The following ECHDC3 variants were observed in gnomAD, a reference collection of about 807,000 sequenced individuals.
The protein encoded by ECHDC3 is enoyl-CoA hydratase domain containing 3, also known as enoyl-CoA hydratase domain-containing protein 3, mitochondrial.
Under a neutral mutation model 17.9 loss-of-function variants are expected in ECHDC3, and 20 were observed. The observed-to-expected ratio is 1.12, with a 90% CI of 0.79 to 1.63. ECHDC3 has a LOEUF of 1.63. ECHDC3 is among the 40% of genes most tolerant of loss of function. ECHDC3 has a pLI of 0.00. For synonymous variants in ECHDC3, 177 were observed against 149.7 expected (o/e 1.18, Z -1.33); for missense variants, 407 against 357.7 (o/e 1.14, Z -1.11).
intron 3 of ECHDC3, among the ~76,000 whole-genome samples, chr10:11,753,218 T>C (rs1832846264): frequency 5.6e-5 from 1 of 17,846 alleles, no homozygotes; most frequent in African/African-American, 6.2e-5. Flanking sequence ...CTGTCTCTAC[T>C]AAAAATACAA....
rs1367213025 is a variant in ECHDC3, at chr10:11,763,873, AAAG to A, written c.*333_*335del. On this transcript the variant is annotated 3_prime_UTR_variant, in exon 5 of 5. Transcript: ENST00000379215. This position sits in a 1 kb window ranked among gnomAD's most constrained non-coding sequence, Gnocchi z 4.9. ...AAAAGGTGGCAACCCATGGAGGCAG[AAAG>A]AAGGACGCCAGCCTGACCCTTATCT... 1.9e-6 allele frequency: 2 copies of A among 1,075,624 alleles called. No individual in the cohort carries two copies. Among genetic ancestry groups the A allele is most frequent in the Admixed American group, 5.0e-5 (1 of 19,982 alleles). 66.6% of individuals were successfully genotyped at this position (1,075,624 alleles called of 1,614,324 possible). A position where few individuals can be genotyped will look rare whatever the true frequency, so the allele number is the denominator to read the frequency against.
intron 4 of ECHDC3, among the ~76,000 whole-genome samples, chr10:11,759,822 A>C (rs1448086767): frequency 6.6e-6 from 1 of 152,202 alleles, no homozygotes; most frequent in Non-Finnish European, 1.5e-5. Flanking sequence ...TGTTGCATTC[A>C]CTGGGTGCCT....
At chr10:11,762,044 G>C (rs1014352294) in intron 4 of ECHDC3, among the ~76,000 whole-genome samples, 1 of 147,616 alleles carries the variant, frequency 6.8e-6, no homozygotes, top group South Asian at 2.2e-4. Flanking sequence ...ACCAGCCTGC[G>C]TAATATAGTG....
At chr10:11,750,666 A>G (rs1832813322) in intron 3 of ECHDC3, among the ~76,000 whole-genome samples, 1 of 152,270 alleles carries the variant, frequency 6.6e-6, no homozygotes, top group East Asian at 1.9e-4. Flanking sequence ...TGAGGGAAAC[A>G]TAAGAAAAAA....
intron 3 of ECHDC3, among the ~76,000 whole-genome samples, chr10:11,752,580 C>T (rs1041622470): frequency 6.6e-6 from 1 of 151,878 alleles, no homozygotes; most frequent in Non-Finnish European, 1.5e-5. Context: ...CCATGTGAAC[C>T]TGTTTTTCTA....
At chr10:11,747,542 G>A (rs1832776160) in intron 2 of ECHDC3, 72 bp downstream of exon 2, 3 of 1,542,216 alleles carry the variant, frequency 1.9e-6, no homozygotes. Flanking sequence ...AGTAAACTGG[G>A]GCATCCCTTT....
At chr10:11,750,471 T>C (rs1832811341) in intron 3 of ECHDC3, among the ~76,000 whole-genome samples, 1 of 152,176 alleles carries the variant, frequency 6.6e-6, no homozygotes, top group South Asian at 2.1e-4. Flanking sequence ...TCTTTCACCA[T>C]ATTAAGGAGG....
At chr10:11,749,458 C>A in intron 2 of ECHDC3, 37 bp from the exon 3 acceptor site, 1 of 1,609,514 alleles carries the variant, frequency 6.2e-7, no homozygotes, top group Non-Finnish European at 8.5e-7. Context: ...GTGTTTACAT[C>A]TTTTTGTTTT....
chr10:11,748,794 A>G (rs1039888536), intron 2 of ECHDC3, among the ~76,000 whole-genome samples: 7 of 152,148 alleles, frequency 4.6e-5, no homozygotes, highest in African/African-American at 1.7e-4. Flanking sequence ...GCTAAGGCAC[A>G]AGAATTGCTT....
rs1439910890 is a variant in ECHDC3 at position 11,763,467 on chromosome 10, G to A, written c.835G>A (p.Ala279Thr). Reference protein sequence around the residue: ...LTSQAMVDNLALRDGQEGITA... With the variant: ...LTSQAMVDNLTLRDGQEGITA... ...CTCCCAGGCCATGGTGGACAACCTG[G>A]CCCTGCGGGACGGGCAGGAGGGCAT... The change falls in exon 5 of 5, where the codon GCC (alanine) becomes ACC (threonine). Residue 279 changes from alanine to threonine, a missense_variant. Coordinates refer to ENST00000379215, the MANE Select transcript of ECHDC3 (RefSeq NM_024693.5). This position sits in a 1 kb window ranked among gnomAD's most constrained non-coding sequence, Gnocchi z 4.9. 2 of 1,010,062 alleles carry A rather than the reference G, an allele frequency of 2.0e-6. No individual in the cohort carries two copies. The highest frequency in any genetic ancestry group is 3.1e-6 in the Non-Finnish European group (2 of 641,148). 62.6% of individuals were successfully genotyped at this position (1,010,062 alleles called of 1,614,324 possible).
At chr10:11,742,932 C>T in intron 1 of ECHDC3, 186 bp downstream of exon 1, 1 of 592,010 alleles carries the variant, frequency 1.7e-6, no homozygotes, top group Non-Finnish European at 2.4e-6. Flanking sequence ...GTCGGTGGGA[C>T]TGCCCGGGGC....
intron 4 of ECHDC3, among the ~76,000 whole-genome samples, chr10:11,759,170 A>G (rs575952214): frequency 3.8e-4 from 58 of 152,316 alleles, no homozygotes; most frequent in African/African-American, 1.2e-3. Flanking sequence ...CCTGGCCAAC[A>G]TGGCGAAACC....
Position 11,763,265 on chromosome 10 carries a change from C to T in ECHDC3, c.633C>T (p.Ala211=). Residue 211 remains alanine (A), a synonymous_variant, in exon 5 of 5, where the codon GCC becomes GCT. Coordinates refer to ENST00000379215, the MANE Select transcript of ECHDC3 (RefSeq NM_024693.5). This position sits in a 1 kb window ranked among gnomAD's most constrained non-coding sequence, Gnocchi z 4.9. ...TCTTTACTGGTGAGCCCATTTCTGC[C>T]CAGGAGGCCCTGCTCCACGGGCTGC... The part of the protein sequence containing the change: ...EMLFTGEPIS[A]QEALLHGLLS... 1.3e-6 allele frequency: 1 copy of T among 780,152 alleles called. No individual in the cohort carries two copies. The highest frequency in any genetic ancestry group is 2.4e-6 in the Non-Finnish European group (1 of 417,994). 48.3% of individuals were successfully genotyped at this position (780,152 alleles called of 1,614,324 possible).
intron 3 of ECHDC3, 49 bp downstream of exon 3, chr10:11,749,641 A>G (rs758603382): frequency 2.6e-5 from 41 of 1,581,332 alleles, no homozygotes; most frequent in South Asian, 1.1e-4. Flanking sequence ...TGATCATTAC[A>G]TTAAATGTTG....
chr10:11,747,569 G>C, intron 2 of ECHDC3, 99 bp downstream of exon 2: 1 of 1,404,726 alleles, frequency 7.1e-7, no homozygotes, highest in Non-Finnish European at 9.8e-7. Context: ...CTGGAGAATT[G>C]TTTTGAAGCT....
intron 1 of ECHDC3, 124 bp downstream of exon 1, chr10:11,742,870 G>A (rs1437718112): frequency 3.7e-6 from 4 of 1,086,830 alleles, no homozygotes; most frequent in African/African-American, 1.6e-5. Flanking sequence ...GGAACTCCCC[G>A]TGTCCCGGAC....
At chr10:11,754,124 A>C (rs187379655) in intron 3 of ECHDC3, among the ~76,000 whole-genome samples, 27 of 152,268 alleles carry the variant, frequency 1.8e-4, no homozygotes, top group African/African-American at 5.3e-4. Context: ...GACCTCCCCC[A>C]AAAAAAGTCA....
rs745580212 is a variant in ECHDC3 at position 11,747,443 on chromosome 10, AAC to A, written c.266_267del (p.Asn89ArgfsTer10). 1.9e-6 allele frequency: 3 copies of A among 1,614,052 alleles called. No homozygotes were observed. In the South Asian group the frequency reaches 3.3e-5, roughly 18 times the overall value. On this transcript the variant is annotated frameshift_variant, in exon 2 of 5. Coordinates refer to ENST00000379215, the MANE Select transcript of ECHDC3 (RefSeq NM_024693.5). LOFTEE classifies it high-confidence loss of function. The part of the protein sequence containing the change: ...QSDILHDADS[N>X]DLKVIIISAE... ...TGACATTCTTCATGACGCTGACAGC[AAC>A]GATCTGAAAGTCATTATCATCTCGG... is the stretch of plus-strand genomic sequence containing the variant.
At chr10:11,752,629 G>A (rs11257304) in intron 3 of ECHDC3, among the ~76,000 whole-genome samples, 142,060 of 152,180 alleles carry the variant, frequency 0.93, 67,142 homozygotes, top group East Asian at 1. Context: ...ATAGAATTAC[G>A]TAATATGATT....
Sources: allele counts gnomAD v4.1 joint callset (sites outside exome capture counted in the v4.1 genomes callset), GRCh38; gene constraint gnomAD v4.1.1; non-coding constraint Gnocchi (gnomAD v3.1); transcripts MANE v1.5; gene names NCBI Gene and HGNC (gene_info 2026-07-23, HGNC 2026-07-21).